Variants in TXNDC11 observed in about 807,000 individuals in gnomAD.
TXNDC11 encodes the protein thioredoxin domain containing 11.
TXNDC11 carries 68 observed loss-of-function variants against 78.0 expected under a neutral mutation model. The ratio of observed to expected loss-of-function variants is 0.87; its 90% CI spans 0.72 to 1.07. The LOEUF (loss-of-function observed/expected upper bound fraction) is 1.07. TXNDC11 is among the 50% of genes least tolerant of loss of function. The pLI, the probability that TXNDC11 is intolerant of heterozygous loss-of-function variation, is 0.00. For synonymous variants in TXNDC11, 571 were observed against 495.2 expected, an observed-to-expected ratio of 1.15 and a Z score of -2.03; for missense variants, 1,389 against 1,221.8, an observed-to-expected ratio of 1.14 and a Z score of -2.04.
At position 11,707,411 on chromosome 16, in the gene TXNDC11, C is replaced by T. The variant is rs2141049609; in HGVS notation, c.794-6847G>A. Among the ~76,000 whole-genome samples, 2 of 150,922 alleles carry T rather than the reference C, an allele frequency of 1.3e-5. 1 individual carries two copies. Among genetic ancestry groups the T allele is most frequent in the South Asian group, 4.2e-4 (2 of 4,788 alleles). ...TATATGTTGAAATAATTTGGATACA[C>T]TGGGTTAAATATTAATTTCACCTGT... On this transcript the variant is annotated intron_variant, in intron 5 of 11. Coordinates refer to ENST00000283033, the MANE Select transcript of TXNDC11 (RefSeq NM_015914.7).
At chr16:11,730,871 A>G (rs1207846535) in intron 3 of TXNDC11, 97 bp from the exon 4 acceptor site, 11 of 935,402 alleles carry the variant, frequency 1.2e-5, no homozygotes, top group Non-Finnish European at 1.6e-5. Context: ...CCACCACAAA[A>G]TGAAAGTGTC....
At position 11,687,847 on chromosome 16, in the gene TXNDC11, G is replaced by T. The variant is rs766566898; in HGVS notation, c.2153+10C>A. 1.3e-6 allele frequency: 2 copies of T among 1,588,916 alleles called. No homozygotes were observed. Among genetic ancestry groups the T allele is most frequent in the Admixed American group, 1.7e-5 (1 of 59,822 alleles). On this transcript the variant is annotated intron_variant, in intron 10 of 11. Coordinates refer to ENST00000283033, the MANE Select transcript of TXNDC11 (RefSeq NM_015914.7). ...TACAGCCCAAAGCGCTGCAGAAGAG[G>T]CCTGCTTACCTTGCCACAGTGAATG... is the stretch of plus-strand genomic sequence containing the variant.
intron 5 of TXNDC11, among the ~76,000 whole-genome samples, chr16:11,712,958 A>ACAC (rs397713765): frequency 1.3e-5 from 2 of 151,266 alleles, no homozygotes; most frequent in African/African-American, 4.9e-5. Context: ...ACACACACAC[A>ACAC]GAAATCAGTT....
intron 6 of TXNDC11, among the ~76,000 whole-genome samples, chr16:11,699,362 A>C (rs1194401316): frequency 6.6e-6 from 1 of 152,204 alleles, no homozygotes; most frequent in Admixed American, 6.5e-5. Context: ...GTAACATGCT[A>C]AAAATGAAGG....
In TXNDC11 at chr16:11,702,056, ATGTGTGTGTATGTG is replaced by A. The variant is rs751818004; in HGVS notation, c.794-1506_794-1493del. Among the ~76,000 whole-genome samples, 6 of 146,710 alleles carry A rather than the reference ATGTGTGTGTATGTG, an allele frequency of 4.1e-5. No homozygotes were observed. In the East Asian group the frequency reaches 5.8e-4, roughly 14 times the overall value. On this transcript the variant is annotated intron_variant, in intron 5 of 11. Transcript: ENST00000283033. The stretch of plus-strand genomic sequence containing the variant: ...AAAAGAACTCACACTTATAAAAGTT[ATGTGTGTGTATGTG>A]TGTGTGTGTATGTATGTATGTGTAT...
chr16:11,725,744 A>G (rs2051858141), intron 4 of TXNDC11, among the ~76,000 whole-genome samples: 1 of 152,274 alleles, frequency 6.6e-6, no homozygotes, highest in Non-Finnish European at 1.5e-5. Context: ...TTCTTTGCTA[A>G]TAACAACTGA....
chr16:11,679,408 A>T lies in TXNDC11; in HGVS notation c.2664T>A (p.Leu888=). ...GGATCTTGAGCCACGTGTTCTCGGT[A>T]AGGAGGTTTTCTGAGGCATCGGCCA... ...QELADASENL[L]TENTWLKILV... is the part of the protein sequence containing the mutation. Residue 888 remains leucine (L), a synonymous_variant, in exon 12 of 12, where the codon CTT becomes CTA. Transcript: ENST00000283033. The surrounding 1 kb of genome is among the most constrained non-coding windows in gnomAD (Gnocchi z 4.6). The T allele has an allele frequency of 6.2e-7, 1 of 1,613,074 alleles. No individual in the cohort carries two copies. Among genetic ancestry groups the T allele is most frequent in the South Asian group, 1.1e-5 (1 of 91,022 alleles).
rs1257285075 is a variant in TXNDC11, at chr16:11,691,595, A to G, written c.1595T>C (p.Val532Ala). Reference protein sequence around the residue: ...SEQGVFEAPTVAFSSLEKKCE... With the variant: ...SEQGVFEAPTAAFSSLEKKCE... ...TTTCTTCTCAAGGGAAGAAAATGCA[A>G]CAGTAGGGGCTTCAAAGACACCTTG... The change falls in exon 8 of 12, where the codon GTT (valine) becomes GCT (alanine). Residue 532 changes from valine (V) to alanine (A), a missense_variant. Coordinates refer to ENST00000283033, the MANE Select transcript of TXNDC11 (RefSeq NM_015914.7). 2 of 1,614,204 alleles carry G rather than the reference A, an allele frequency of 1.2e-6. No homozygotes were observed. The highest frequency in any genetic ancestry group is 3.3e-5 in the Admixed American group (2 of 60,024).
In TXNDC11 at chr16:11,679,310, T is replaced by G. The variant is rs146844027; in HGVS notation, c.2762A>C (p.His921Pro). The change falls in exon 12 of 12, where the codon CAC becomes CCC. Residue 921 changes from histidine to proline, a missense_variant. Transcript: ENST00000283033. The surrounding 1 kb of genome is among the most constrained non-coding windows in gnomAD (Gnocchi z 4.6). ...AESLAAQREV[H>P]PKQPEPSATP... Reference sequence around the variant, plus strand: ...GGCTGAGGGCTCAGGCTGCTTGGGGTGGACCTCTCTCTGGGCCGCCAGGCT... The same window carrying G: ...GGCTGAGGGCTCAGGCTGCTTGGGGGGGACCTCTCTCTGGGCCGCCAGGCT... 93 of 1,612,402 alleles carry G rather than the reference T, an allele frequency of 5.8e-5. No homozygotes were observed. The highest frequency in any genetic ancestry group is 7.7e-5 in the Non-Finnish European group (91 of 1,179,704).
chr16:11,721,335 G>A (rs1412024104), intron 5 of TXNDC11: 1 of 267,850 alleles, frequency 3.7e-6, no homozygotes, highest in East Asian at 1.1e-4. Flanking sequence ...CAGCTACTCA[G>A]GAGGCTGAGG....
intron 11 of TXNDC11, among the ~76,000 whole-genome samples, chr16:11,680,186 G>A (rs1397213237): frequency 6.6e-6 from 1 of 152,220 alleles, no homozygotes; most frequent in East Asian, 1.9e-4. Context: ...GCTCGGAGAT[G>A]CCCAGCGGCT....
chr16:11,730,516 G>C (rs937225105), intron 4 of TXNDC11, 129 bp downstream of exon 4: 9 of 918,726 alleles, frequency 9.8e-6, no homozygotes, highest in Admixed American at 2.3e-5. Context: ...AACTGGGGCT[G>C]ATCTATCACA....
rs774811946 is a variant in TXNDC11 at position 11,679,386 on chromosome 16, T to C, written c.2686A>G (p.Ile896Val). 6.2e-7 allele frequency: 1 copy of C among 1,611,270 alleles called. No homozygotes were observed. The highest frequency in any genetic ancestry group is 8.5e-7 in the Non-Finnish European group (1 of 1,178,928). ...TTCCTCTCCATGGTCGCCACCAGGA[T>C]CTTGAGCCACGTGTTCTCGGTAAGG... ...NLLTENTWLK[I>V]LVATMERKLE... The change falls in exon 12 of 12, where the codon ATC becomes GTC. Residue 896 changes from isoleucine (I) to valine (V), a missense_variant. By Grantham distance (29) the Ile-to-Val change is conservative. Transcript: ENST00000283033. The surrounding 1 kb of genome is among the most constrained non-coding windows in gnomAD (Gnocchi z 4.6).
chr16:11,715,865 T>G (rs4781143), intron 5 of TXNDC11, among the ~76,000 whole-genome samples: 71,872 of 151,958 alleles, frequency 0.47, 17,300 homozygotes, highest in Middle Eastern at 0.56. Flanking sequence ...TTGTGTGGAT[T>G]TTTTCACTAG....
chr16:11,691,627 G>T lies in TXNDC11; in HGVS notation c.1563C>A (p.Asp521Glu). 6.2e-7 allele frequency: 1 copy of T among 1,614,206 alleles called. No homozygotes were observed. Among genetic ancestry groups the T allele is most frequent in the Non-Finnish European group, 8.5e-7 (1 of 1,180,036 alleles). Residue 521 changes from aspartate (D) to glutamate (E), a missense_variant, in exon 8 of 12, where the codon GAC becomes GAA. Transcript: ENST00000283033. ...GGGCTTCAAAGACACCTTGTTCAGA[G>T]TCGATGAAGCCTGACACACCCCTGC... Reference protein sequence around the residue: ...TISRGVSGFIDSEQGVFEAPT... With the variant: ...TISRGVSGFIESEQGVFEAPT...
At chr16:11,680,513 C>T (rs540892871) in intron 11 of TXNDC11, among the ~76,000 whole-genome samples, 2 of 152,320 alleles carry the variant, frequency 1.3e-5, no homozygotes, top group African/African-American at 4.8e-5. Context: ...GTTTTCCCTA[C>T]AGCTTTGTTC....
intron 4 of TXNDC11, among the ~76,000 whole-genome samples, chr16:11,729,335 G>C (rs2051976040): frequency 6.6e-6 from 1 of 152,174 alleles, no homozygotes; most frequent in Non-Finnish European, 1.5e-5. Context: ...GGCCTCTGAG[G>C]TGCACAGACA....
intron 6 of TXNDC11, among the ~76,000 whole-genome samples, chr16:11,699,318 T>C (rs2050943919): frequency 6.6e-6 from 1 of 152,238 alleles, no homozygotes; most frequent in Admixed American, 6.5e-5. Context: ...TCTTTCTCAG[T>C]ACCCTTTACT....
At position 11,698,451 on chromosome 16, in the gene TXNDC11, C is replaced by T. The variant is rs542566758; in HGVS notation, c.907-126G>A. 47 of 757,590 alleles carry T rather than the reference C, an allele frequency of 6.2e-5. 1 individual carries two copies. The African/African-American group carries it at 7.6e-4, about 12-fold the overall frequency. The allele number at this position is 757,590 out of a possible 1,614,324, so 46.9% of individuals were successfully genotyped here. On this transcript the variant is annotated intron_variant, in intron 6 of 11. Transcript: ENST00000283033. ...AACCCAGGCGTGGAGCGGGGCCTGG[C>T]CCCACTGTGCAGCTAACACCCGCTT...
Sources: allele counts gnomAD v4.1 joint callset (sites outside exome capture counted in the v4.1 genomes callset), GRCh38; gene constraint gnomAD v4.1.1; non-coding constraint Gnocchi (gnomAD v3.1); transcripts MANE v1.5; gene names NCBI Gene and HGNC (gene_info 2026-07-23, HGNC 2026-07-21).